LRRC37A2: variants seen among roughly 807,000 people sequenced by gnomAD.
The protein encoded by LRRC37A2 is leucine-rich repeat-containing protein 37A2.
In LRRC37A2, 9 loss-of-function variants were observed where a neutral mutation model predicts 68.8. That is an observed-to-expected ratio of 0.13 (90% CI 0.08 to 0.23). The LOEUF is 0.23. Ranked by LOEUF, LRRC37A2 falls within the 10% of genes least tolerant of loss-of-function variation. The pLI, the probability that LRRC37A2 is intolerant of heterozygous loss-of-function variation, is 1.00. For synonymous variants in LRRC37A2, 63 were observed against 367.6 expected, an observed-to-expected ratio of 0.17 and a Z score of 9.48; for missense variants, 168 against 950.4, an observed-to-expected ratio of 0.18 and a Z score of 10.82.
the LRRC37A2 span, among the ~76,000 whole-genome samples, chr17:46,395,511 T>TAA: frequency 8.9e-3 from 45 of 5,068 alleles, no homozygotes; most frequent in Admixed American, 0.011. Flanking sequence ...ACCTTGTTTC[T>TAA]ACAAAAAAAA....
chr17:46,722,744 G>A, the LRRC37A2 span, among the ~76,000 whole-genome samples: 102,373 of 152,070 alleles, frequency 0.67, 35,652 homozygotes, highest in South Asian at 0.82. Context: ...GAAAATGTAC[G>A]TGTGAGAAGA....
the LRRC37A2 span, chr17:46,714,036 G>T: frequency 6.4e-7 from 1 of 1,556,050 alleles, no homozygotes; most frequent in Non-Finnish European, 8.7e-7. Context: ...AAATGTGTGT[G>T]TGTGTGCACA....
the LRRC37A2 span, among the ~76,000 whole-genome samples, chr17:46,877,232 C>G: frequency 2.6e-5 from 4 of 152,214 alleles, no homozygotes; most frequent in Non-Finnish European, 4.4e-5. Flanking sequence ...AGGTGTCACA[C>G]ACCTCCACCA....
the LRRC37A2 span, among the ~76,000 whole-genome samples, chr17:46,905,881 G>A: frequency 3.8e-4 from 57 of 151,876 alleles, no homozygotes; most frequent in African/African-American, 1.3e-3. Flanking sequence ...TCCAGACCAG[G>A]GTCCTCAAAG....
chr17:46,856,727 A>G, the LRRC37A2 span, among the ~76,000 whole-genome samples: 1 of 152,074 alleles, frequency 6.6e-6, no homozygotes, highest in South Asian at 2.1e-4. Context: ...CAGGTGATCC[A>G]CCCACCTCAG....
chr17:46,534,310 AG>A (rs2054224533), intron 6 of LRRC37A2, among the ~76,000 whole-genome samples: 1 of 142,100 alleles, frequency 7.0e-6, no homozygotes, highest in Non-Finnish European at 1.5e-5. Flanking sequence ...AAGTGAACAA[AG>A]GTCTCTGGTT....
the LRRC37A2 span, among the ~76,000 whole-genome samples, chr17:46,625,879 TAAAAAAAAAAAA>T: frequency 1.7e-5 from 1 of 59,036 alleles, no homozygotes; most frequent in African/African-American, 7.5e-5. Flanking sequence ...CCACATGTAT[TAAAAAAAAAAAA>T]AAAAAAAAAA....
the LRRC37A2 span, chr17:46,941,063 C>G: frequency 9.3e-7 from 1 of 1,080,216 alleles, no homozygotes; most frequent in South Asian, 2.9e-5. Context: ...GGTAGCCAGC[C>G]TCTGTGACCT....
the LRRC37A2 span, among the ~76,000 whole-genome samples, chr17:47,031,062 C>G: frequency 6.6e-6 from 1 of 151,520 alleles, no homozygotes; most frequent in African/African-American, 2.4e-5. Context: ...ATCCTGAAAT[C>G]ATCCCTGGGT....
chr17:46,492,256 C>T, the LRRC37A2 span, among the ~76,000 whole-genome samples: 17 of 151,312 alleles, frequency 1.1e-4, no homozygotes, highest in East Asian at 2.7e-3. Context: ...TGAGCCATCG[C>T]GCCCGGCCCG....
chr17:46,838,068 G>A, the LRRC37A2 span, among the ~76,000 whole-genome samples: 1 of 152,100 alleles, frequency 6.6e-6, no homozygotes, highest in African/African-American at 2.4e-5. Flanking sequence ...AGGGGGTGGA[G>A]GAACCTTTTG....
the LRRC37A2 span, among the ~76,000 whole-genome samples, chr17:46,817,937 A>T: frequency 1.3e-5 from 2 of 152,102 alleles, no homozygotes; most frequent in Non-Finnish European, 2.9e-5. Context: ...CAGAGGCTCA[A>T]GATGAATCTA....
At chr17:46,802,592 C>A in the LRRC37A2 span, among the ~76,000 whole-genome samples, 2 of 152,122 alleles carry the variant, frequency 1.3e-5, no homozygotes, top group African/African-American at 4.8e-5. Flanking sequence ...GGACTCCCAA[C>A]CCTAACCCCA....
the LRRC37A2 span, chr17:46,938,931 C>T: frequency 6.6e-7 from 1 of 1,506,032 alleles, no homozygotes; most frequent in South Asian, 1.2e-5. Flanking sequence ...TTTTCTGTGA[C>T]ATCTTGGAGG....
the LRRC37A2 span, among the ~76,000 whole-genome samples, chr17:46,970,662 G>A: frequency 4.0e-4 from 61 of 152,238 alleles, no homozygotes; most frequent in African/African-American, 1.4e-3. Context: ...GCAGGGGTGT[G>A]CACTGGAGCC....
chr17:46,998,299 G>A, the LRRC37A2 span, among the ~76,000 whole-genome samples: 9 of 152,330 alleles, frequency 5.9e-5, no homozygotes, highest in South Asian at 1.0e-3. Context: ...CGGCTCGGCC[G>A]TGAGTGTGCT....
At chr17:46,799,135 C>G in the LRRC37A2 span, among the ~76,000 whole-genome samples, 1 of 151,840 alleles carries the variant, frequency 6.6e-6, no homozygotes, top group African/African-American at 2.4e-5. Context: ...TGTGAGTACT[C>G]TGGCTGAACA....
At chr17:47,000,033 TAAA>T in the LRRC37A2 span, among the ~76,000 whole-genome samples, 1 of 21,400 alleles carries the variant, frequency 4.7e-5, no homozygotes, top group African/African-American at 8.6e-5. Flanking sequence ...TAAAATAAAA[TAAA>T]ATAAAATAAA....
chr17:46,818,883 G>A, the LRRC37A2 span: 8 of 505,432 alleles, frequency 1.6e-5, no homozygotes, highest in African/African-American at 3.9e-5. Context: ...CGGGCTCCGG[G>A]AAGGGCATCG....
Sources: allele counts gnomAD v4.1 joint callset (sites outside exome capture counted in the v4.1 genomes callset), GRCh38; gene constraint gnomAD v4.1.1; transcripts MANE v1.5; gene names NCBI Gene and HGNC (gene_info 2026-07-23, HGNC 2026-07-21).